The following JAKMIP3 variants were observed in gnomAD, a reference collection of about 807,000 sequenced individuals.
JAKMIP3 encodes janus kinase and microtubule-interacting protein 3.
JAKMIP3 carries 58 observed loss-of-function variants against 118.5 expected under a neutral mutation model. The ratio of observed to expected loss-of-function variants is 0.49; its 90% CI spans 0.40 to 0.61. The LOEUF (loss-of-function observed/expected upper bound fraction) is 0.61, where lower values mean the gene tolerates loss of function less well. Among genes scored for constraint, JAKMIP3 ranks in the 20% least tolerant of loss-of-function variants. JAKMIP3 has a pLI of 0.00. For synonymous variants in JAKMIP3, 486 were observed against 451.2 expected (o/e 1.08, Z -0.98); for missense variants, 950 against 1,109.0 (o/e 0.86, Z 2.04).
At chr10:132,069,309 T>C (rs1235682458) in intron 1 of JAKMIP3, among the ~76,000 whole-genome samples, 1 of 152,092 alleles carries the variant, frequency 6.6e-6, no homozygotes, top group African/African-American at 2.4e-5. Context: ...GAAGGGACAC[T>C]GGGTCTGTGT....
chr10:132,066,348 C>T (rs540745334), intron 1 of JAKMIP3, among the ~76,000 whole-genome samples: 5 of 152,332 alleles, frequency 3.3e-5, no homozygotes, highest in African/African-American at 9.6e-5. Flanking sequence ...TGTGTTCCAT[C>T]CCATATGTAA....
At chr10:132,162,635 G>A (rs1005709128) in intron 19 of JAKMIP3, among the ~76,000 whole-genome samples, 1 of 152,220 alleles carries the variant, frequency 6.6e-6, no homozygotes, top group Non-Finnish European at 1.5e-5. Context: ...TGGTTGGGAA[G>A]AAAGAGCCTC....
At chr10:132,129,692 C>T (rs1015391192) in intron 3 of JAKMIP3, among the ~76,000 whole-genome samples, 7 of 152,114 alleles carry the variant, frequency 4.6e-5, no homozygotes, top group Admixed American at 2.0e-4. Context: ...GGACAGCGGT[C>T]GCAGGGGCTG....
chr10:132,163,089 C>T, intron 19 of JAKMIP3, 120 bp from the exon 20 acceptor site: 1 of 955,982 alleles, frequency 1.0e-6, no homozygotes, highest in African/African-American at 1.6e-5. Context: ...GGGTCCCTCC[C>T]TGTTGCATAT....
At chr10:132,135,565 A>G (rs1231511185) in intron 5 of JAKMIP3, among the ~76,000 whole-genome samples, 1 of 152,234 alleles carries the variant, frequency 6.6e-6, no homozygotes, top group Non-Finnish European at 1.5e-5. Context: ...TGGTTTTACC[A>G]CAGCCCTTCT....
intron 3 of JAKMIP3, among the ~76,000 whole-genome samples, chr10:132,129,946 C>G (rs2050265010): frequency 6.6e-6 from 1 of 151,264 alleles, no homozygotes; most frequent in Non-Finnish European, 1.5e-5. Context: ...GCTTGGGAAC[C>G]ACCTTCTCAT....
At chr10:132,093,438 G>A (rs962067126) in intron 1 of JAKMIP3, among the ~76,000 whole-genome samples, 9 of 152,300 alleles carry the variant, frequency 5.9e-5, no homozygotes, top group East Asian at 1.9e-4. Flanking sequence ...CAGCAATGGC[G>A]GGCGCCCCCT....
intron 9 of JAKMIP3, among the ~76,000 whole-genome samples, chr10:132,139,142 ATG>A (rs1255559619): frequency 4.4e-5 from 6 of 137,058 alleles, no homozygotes; most frequent in African/African-American, 1.1e-4. Context: ...GTGCATGTGT[ATG>A]TGAGTATGAG....
At chr10:132,180,612 T>TG (rs1565019226) in intron 23 of JAKMIP3, among the ~76,000 whole-genome samples, 1 of 23,196 alleles carries the variant, frequency 4.3e-5, no homozygotes, top group African/African-American at 1.9e-4. Context: ...CGCGTGTGTG[T>TG]GTGCGTGTGT....
intron 1 of JAKMIP3, among the ~76,000 whole-genome samples, chr10:132,084,911 C>A (rs115291281): frequency 0.015 from 2,259 of 152,240 alleles, 66 homozygotes; most frequent in African/African-American, 0.051. Context: ...CCCCTGCATT[C>A]CTGGTTTGAA....
intron 1 of JAKMIP3, among the ~76,000 whole-genome samples, chr10:132,036,797 C>A (rs2037514484): frequency 6.6e-6 from 1 of 151,514 alleles, no homozygotes; most frequent in Non-Finnish European, 1.5e-5. Flanking sequence ...CTGCGTCTGG[C>A]ACGGTGCGTC....
chr10:132,160,239 G>T (rs1385503730), intron 19 of JAKMIP3, among the ~76,000 whole-genome samples: 3 of 10,864 alleles, frequency 2.8e-4, no homozygotes, highest in Non-Finnish European at 3.5e-4. Flanking sequence ...TGATGCTGGG[G>T]GGGGCCTCTC....
At chr10:132,135,704 G>A (rs1327602624) in intron 5 of JAKMIP3, among the ~76,000 whole-genome samples, 1 of 152,110 alleles carries the variant, frequency 6.6e-6, no homozygotes, top group Non-Finnish European at 1.5e-5. Context: ...CACCGGGCGA[G>A]CGGGTTCACC....
intron 16 of JAKMIP3, among the ~76,000 whole-genome samples, chr10:132,150,416 C>T (rs2055875497): frequency 6.6e-6 from 1 of 152,182 alleles, no homozygotes; most frequent in African/African-American, 2.4e-5. Flanking sequence ...TAGATAACTC[C>T]TAAATTTCAT....
chr10:132,167,987 G>A lies in JAKMIP3; in HGVS notation c.*57G>A. ...GAATCGGACCCTTTTCCTCCAGTGGGACCAGAAAGCAGGGACAAAATGGGA... is the reference window on the plus strand; with the variant it reads ...GAATCGGACCCTTTTCCTCCAGTGGAACCAGAAAGCAGGGACAAAATGGGA... On this transcript the variant is annotated 3_prime_UTR_variant, in exon 23 of 24. Transcript: ENST00000684848. The A allele has an allele frequency of 7.8e-7, 1 of 1,289,564 alleles. No individual in the cohort carries two copies. Among genetic ancestry groups the A allele is most frequent in the Non-Finnish European group, 1.0e-6 (1 of 988,850 alleles). The allele number at this position is 1,289,564 out of a possible 1,614,324, so 79.9% of individuals were successfully genotyped here.
rs375900771 is a variant in JAKMIP3, at chr10:132,145,140, G to A, written c.1636G>A (p.Ala546Thr). The A allele has an allele frequency of 1.4e-4, 220 of 1,612,428 alleles. No homozygotes were observed. The highest frequency in any genetic ancestry group is 1.8e-4 in the Non-Finnish European group (208 of 1,179,778). The change falls in exon 12 of 24, where the codon GCA (alanine) becomes ACA (threonine). Residue 546 changes from alanine to threonine, a missense_variant. By Grantham distance (58) the Ala-to-Thr change is moderately conservative. Coordinates refer to ENST00000684848, the MANE Select transcript of JAKMIP3 (RefSeq NM_001323087.2). ...GCAGCTACAAGCCGAAGTGCAGAGG[G>A]CACAGGCGCGGATAGAGGACCTGGA... is the stretch of plus-strand genomic sequence containing the variant. The part of the protein sequence containing the change: ...REQLQAEVQR[A>T]QARIEDLEKA...
chr10:132,121,757 C>G (rs2048571031), intron 3 of JAKMIP3, among the ~76,000 whole-genome samples: 1 of 152,140 alleles, frequency 6.6e-6, no homozygotes, highest in Non-Finnish European at 1.5e-5. Flanking sequence ...TCCGTGCCTC[C>G]CTTGCTACTT....
intron 2 of JAKMIP3, among the ~76,000 whole-genome samples, chr10:132,107,925 C>T (rs987107338): frequency 3.9e-5 from 6 of 152,216 alleles, no homozygotes; most frequent in Non-Finnish European, 8.8e-5. Flanking sequence ...TTGACGGTGA[C>T]GTCCCCAGGG....
rs1188152128 is a variant in JAKMIP3, at chr10:132,109,123, T to TAC, written c.135+4190_135+4191dup. On this transcript the variant is annotated intron_variant, in intron 2 of 23. Transcript: ENST00000684848. ...ATATATACACACACACATATATATA[T>TAC]ACACACACACATATATATATATATA... Among the ~76,000 whole-genome samples, 120 of 140,138 alleles carry TAC rather than the reference T, an allele frequency of 8.6e-4. 1 individual carries two copies. The highest frequency in any genetic ancestry group is 3.6e-3 in the Middle Eastern group (1 of 280). 91.9% of individuals were successfully genotyped at this position (140,138 alleles called of 152,430 possible).
Sources: gnomAD v4.1 joint callset for allele counts (sites outside exome capture counted in the v4.1 genomes callset) on GRCh38, gnomAD v4.1.1 for gene constraint, MANE v1.5 for transcripts, NCBI Gene and HGNC (gene_info 2026-07-23, HGNC 2026-07-21) for gene names.